Variants in TP73 observed in about 807,000 individuals in gnomAD.
The protein encoded by TP73 is p53-like transcription factor.
Under a neutral mutation model 62.5 loss-of-function variants are expected in TP73, and 25 were observed. The observed-to-expected ratio is 0.40, with a 90% CI of 0.29 to 0.56. The LOEUF is 0.56. Ranked by LOEUF, TP73 falls within the 20% of genes least tolerant of loss-of-function variation. The pLI, the probability that TP73 is intolerant of heterozygous loss-of-function variation, is 0.46. For missense variants in TP73, 754 were observed against 913.3 expected (o/e 0.83, Z 2.25); for synonymous variants, 423 against 377.5 (o/e 1.12, Z -1.40).
At chr1:3,687,421 G>A (rs534698758) in intron 3 of TP73, among the ~76,000 whole-genome samples, 10 of 152,338 alleles carry the variant, frequency 6.6e-5, no homozygotes, top group East Asian at 1.9e-4. Context: ...CGCAGGCTGC[G>A]AGGAGGCAGT....
At chr1:3,697,329 TC>T (rs1241234686) in intron 3 of TP73, among the ~76,000 whole-genome samples, 1 of 152,212 alleles carries the variant, frequency 6.6e-6, no homozygotes, top group Non-Finnish European at 1.5e-5. Context: ...TCTCCCGCTA[TC>T]CCCCTGGGCT....
At chr1:3,671,788 G>T (rs1198875380) in intron 1 of TP73, among the ~76,000 whole-genome samples, 1 of 152,210 alleles carries the variant, frequency 6.6e-6, no homozygotes, top group Non-Finnish European at 1.5e-5. Context: ...AACCCTGAGA[G>T]CCAGCGGACA....
intron 1 of TP73, among the ~76,000 whole-genome samples, chr1:3,660,403 C>T (rs1644964250): frequency 2.0e-5 from 3 of 152,210 alleles, no homozygotes; most frequent in Admixed American, 2.0e-4. Context: ...ATTTTATGCA[C>T]ATCACTCTCA....
At chr1:3,728,676 G>A (rs1414522367) in intron 9 of TP73, among the ~76,000 whole-genome samples, 1 of 152,220 alleles carries the variant, frequency 6.6e-6, no homozygotes, top group Non-Finnish European at 1.5e-5. Context: ...TGTTTTTTGA[G>A]CTCCAGAATG....
intron 1 of TP73, among the ~76,000 whole-genome samples, chr1:3,669,118 G>A (rs1645184900): frequency 6.6e-6 from 1 of 152,336 alleles, no homozygotes; most frequent in East Asian, 1.9e-4. Context: ...CCAGCCGAGG[G>A]CCACTTCCAC....
At chr1:3,726,969 C>A in intron 6 of TP73, 146 bp from the exon 7 acceptor site, 1 of 568,658 alleles carries the variant, frequency 1.8e-6, no homozygotes, top group Non-Finnish European at 3.1e-6. Context: ...AATGAGTGGA[C>A]AGATATACAA....
At position 3,725,688 on chromosome 1, in the gene TP73, TTGAATGGA is replaced by T. The variant is rs1427973455; in HGVS notation, c.733-1423_733-1416del. Among the ~76,000 whole-genome samples the T allele has an allele frequency of 3.3e-5, 4 of 120,862 alleles. No homozygotes were observed. The East Asian group carries it at 1.0e-3, about 31-fold the overall frequency. The allele number at this position is 120,862 out of a possible 152,430, so 79.3% of individuals were successfully genotyped here. ...TGGATGGATGGATAGACTGATATTG[TTGAATGGA>T]TGAGTGGGTGGATGGATGTTTAGAT... On this transcript the variant is annotated intron_variant, in intron 6 of 13. Coordinates refer to ENST00000378295, the MANE Select transcript of TP73 (RefSeq NM_005427.4).
chr1:3,721,635 G>A (rs1238233459), intron 4 of TP73, among the ~76,000 whole-genome samples: 3 of 152,216 alleles, frequency 2.0e-5, no homozygotes, highest in East Asian at 3.8e-4. Flanking sequence ...CGCAGTCAGG[G>A]ACATGGCTTC....
At position 3,707,797 on chromosome 1, in the gene TP73, T is replaced by A; in HGVS notation, c.429+6T>A. ...CCAAGTCAGCCACCTGGACGGTGAG[T>A]TCCCCTAGTCCCTGAGGGCTGCGGG... On this transcript the variant is annotated splice_donor_region_variant and intron_variant, in intron 4 of 13. Coordinates refer to ENST00000378295, the MANE Select transcript of TP73 (RefSeq NM_005427.4). 6.2e-7 allele frequency: 1 copy of A among 1,612,226 alleles called. No individual in the cohort carries two copies. The highest frequency in any genetic ancestry group is 8.5e-7 in the Non-Finnish European group (1 of 1,179,732).
intron 3 of TP73, among the ~76,000 whole-genome samples, chr1:3,693,409 G>A (rs948587357): frequency 1.3e-5 from 2 of 152,154 alleles, no homozygotes; most frequent in African/African-American, 4.8e-5. Flanking sequence ...GAGGCCCCTG[G>A]GTTGCAGGAC....
At position 3,699,198 on chromosome 1, in the gene TP73, C is replaced by G. The variant is rs376601215; in HGVS notation, c.187-8351C>G. Among the ~76,000 whole-genome samples, 1 of 152,100 alleles carries G rather than the reference C, an allele frequency of 6.6e-6. No homozygotes were observed. The highest frequency in any genetic ancestry group is 2.4e-5 in the African/African-American group (1 of 41,406). On this transcript the variant is annotated intron_variant, in intron 3 of 13. Transcript: ENST00000378295. This position sits in a 1 kb window ranked among gnomAD's most constrained non-coding sequence, Gnocchi z 4.1. ...TTTCCATTCGTTTAATCACGGGCTC[C>G]GGGAGATGCTGTGGGAAGTACCGGC...
Position 3,663,412 on chromosome 1 carries a change from A to G in TP73, c.-34+10771A>G, listed in dbSNP as rs1645039179. ...GGTTTGTGGGGTGTGGACAGCACGG[A>G]GCGTGATGAAAGGATACAGGCGGCT... On this transcript the variant is annotated intron_variant, in intron 1 of 13. Coordinates refer to ENST00000378295, the MANE Select transcript of TP73 (RefSeq NM_005427.4). The surrounding 1 kb of genome is among the most constrained non-coding windows in gnomAD (Gnocchi z 4.7). 6.6e-6 allele frequency among the ~76,000 whole-genome samples: 1 copy of G among 152,154 alleles called. No homozygotes were observed. Among genetic ancestry groups the G allele is most frequent in the African/African-American group, 2.4e-5 (1 of 41,440 alleles).
chr1:3,682,271 G>A, intron 1 of TP73, 62 bp from the exon 2 acceptor site: 5 of 1,258,792 alleles, frequency 4.0e-6, no homozygotes, highest in South Asian at 4.4e-5. Flanking sequence ...CACCGAGGCT[G>A]TCACAGGAGG....
chr1:3,689,997 C>A (rs1294106049), intron 3 of TP73, among the ~76,000 whole-genome samples: 2 of 152,230 alleles, frequency 1.3e-5, no homozygotes, highest in African/African-American at 2.4e-5. Flanking sequence ...GGGTGCGGGG[C>A]ACCACTGCAG....
chr1:3,671,217 C>T (rs774714520), intron 1 of TP73, among the ~76,000 whole-genome samples: 20 of 152,178 alleles, frequency 1.3e-4, no homozygotes, highest in Non-Finnish European at 2.8e-4. Flanking sequence ...GGGCCTGTCC[C>T]TGGAGAGGCG....
In TP73 at chr1:3,721,908, G is replaced by C. The variant is rs1641100130; in HGVS notation, c.430-113G>C. On this transcript the variant is annotated intron_variant, in intron 4 of 13. Coordinates refer to ENST00000378295, the MANE Select transcript of TP73 (RefSeq NM_005427.4). Reference sequence around the variant, plus strand: ...GGGCTGCTTGGGGCAGTCTTCATCTGGGGGTTGTGGAAGGGGCACCCATGG... The same window carrying C: ...GGGCTGCTTGGGGCAGTCTTCATCTCGGGGTTGTGGAAGGGGCACCCATGG... 32 of 1,123,784 alleles carry C rather than the reference G, an allele frequency of 2.8e-5. No individual in the cohort carries two copies. In the South Asian group the frequency reaches 4.9e-4, roughly 17 times the overall value. The allele number at this position is 1,123,784 out of a possible 1,614,324, so 69.6% of individuals were successfully genotyped here. A position where few individuals can be genotyped will look rare whatever the true frequency, so the allele number is the denominator to read the frequency against.
intron 3 of TP73, among the ~76,000 whole-genome samples, chr1:3,689,795 G>A (rs895769602): frequency 1.3e-5 from 2 of 152,260 alleles, no homozygotes; most frequent in East Asian, 1.9e-4. Flanking sequence ...GAGCCACGGC[G>A]CCCTGGGGAC....
Position 3,683,102 on chromosome 1 carries a change from G to T in TP73, c.108G>T (p.Arg36=). ...ACTTCGACCTTCCCCAGTCAAGCCG[G>T]GGGAATAATGAGGTGGTGGGCGGAA... ...STYFDLPQSS[R]GNNEVVGGTD... Residue 36 remains arginine, a synonymous_variant, in exon 3 of 14, where the codon CGG becomes CGT. Coordinates refer to ENST00000378295, the MANE Select transcript of TP73 (RefSeq NM_005427.4). The T allele has an allele frequency of 6.2e-7, 1 of 1,612,422 alleles. No homozygotes were observed. Among genetic ancestry groups the T allele is most frequent in the Non-Finnish European group, 8.5e-7 (1 of 1,178,856 alleles).
chr1:3,688,962 A>G (rs1472257285), intron 3 of TP73, among the ~76,000 whole-genome samples: 3 of 152,202 alleles, frequency 2.0e-5, no homozygotes, highest in East Asian at 1.9e-4. Context: ...CTCCTTTTCA[A>G]TGCATCATTC....
Sources: allele counts gnomAD v4.1 joint callset (sites outside exome capture counted in the v4.1 genomes callset), GRCh38; gene constraint gnomAD v4.1.1; non-coding constraint Gnocchi (gnomAD v3.1); transcripts MANE v1.5; gene names NCBI Gene and HGNC (gene_info 2026-07-23, HGNC 2026-07-21).